GNB1: variants seen among roughly 807,000 people sequenced by gnomAD.
The protein encoded by GNB1 is G protein subunit beta 1, also known as guanine nucleotide-binding protein G(I)/G(S)/G(T) subunit beta-1.
GNB1 carries 2 observed loss-of-function variants against 42.9 expected under a neutral mutation model. The observed-to-expected ratio is 0.05, with a 90% CI of 0.02 to 0.15. The LOEUF is 0.15. Ranked by LOEUF, GNB1 falls within the 10% of genes least tolerant of loss-of-function variation. The probability of loss-of-function intolerance (pLI) is 1.00; values close to 1 mark genes in which losing one functional copy is unlikely to be tolerated. For missense variants in GNB1, 193 were observed against 462.2 expected (o/e 0.42, Z 5.34); for synonymous variants, 183 against 174.7 (o/e 1.05, Z -0.38).
At chr1:1,889,226 G>A (rs1211086072) in intron 1 of GNB1, among the ~76,000 whole-genome samples, 1 of 152,106 alleles carries the variant, frequency 6.6e-6, no homozygotes, top group African/African-American at 2.4e-5. Flanking sequence ...ACGTCCATTT[G>A]CTAATCATGA....
intron 1 of GNB1, among the ~76,000 whole-genome samples, chr1:1,866,052 C>T (rs1648922909): frequency 6.6e-6 from 1 of 152,084 alleles, no homozygotes; most frequent in East Asian, 1.9e-4. Flanking sequence ...GATTCTCCTG[C>T]CTCAGCCTCC....
chr1:1,860,347 G>A (rs1648551833), intron 1 of GNB1, among the ~76,000 whole-genome samples: 1 of 152,106 alleles, frequency 6.6e-6, no homozygotes, highest in Non-Finnish European at 1.5e-5. Flanking sequence ...GTACCTGGGT[G>A]ATGGGATTAC....
At chr1:1,860,551 G>A (rs1002497262) in intron 1 of GNB1, among the ~76,000 whole-genome samples, 9 of 150,698 alleles carry the variant, frequency 6.0e-5, no homozygotes, top group South Asian at 4.2e-4. Context: ...GCAGGAGAAC[G>A]GTGTCAACCT....
intron 3 of GNB1, among the ~76,000 whole-genome samples, chr1:1,819,036 G>A (rs1460452281): frequency 2.0e-5 from 3 of 152,074 alleles, no homozygotes; most frequent in Non-Finnish European, 4.4e-5. Flanking sequence ...GCACTGTGAA[G>A]GGATCCACCA....
intron 1 of GNB1, among the ~76,000 whole-genome samples, chr1:1,883,390 G>A (rs1649965149): frequency 6.6e-6 from 1 of 152,054 alleles, no homozygotes. Flanking sequence ...TGCAAAGATA[G>A]CTAATATGCA....
At chr1:1,844,773 TATG>T (rs1647531330) in intron 1 of GNB1, among the ~76,000 whole-genome samples, 1 of 152,218 alleles carries the variant, frequency 6.6e-6, no homozygotes. Flanking sequence ...TGAGCAGTCT[TATG>T]TTTACTACAA....
chr1:1,868,873 G>A (rs890476577), intron 1 of GNB1, among the ~76,000 whole-genome samples: 4 of 151,862 alleles, frequency 2.6e-5, no homozygotes, highest in Non-Finnish European at 5.9e-5. Flanking sequence ...ATCTTCTGAA[G>A]TTAATTTCTA....
intron 2 of GNB1, among the ~76,000 whole-genome samples, chr1:1,829,570 G>C (rs1052200638): frequency 3.3e-5 from 5 of 152,066 alleles, no homozygotes; most frequent in Admixed American, 6.5e-5. Flanking sequence ...CAGGAAGAGC[G>C]AACTTAAGGG....
chr1:1,880,810 A>AGTC (rs1481673547), intron 1 of GNB1, among the ~76,000 whole-genome samples: 1 of 152,090 alleles, frequency 6.6e-6, no homozygotes, highest in African/African-American at 2.4e-5. Flanking sequence ...CAGGCACAGG[A>AGTC]GTCACTACGT....
chr1:1,821,976 T>C (rs567782938), intron 3 of GNB1, among the ~76,000 whole-genome samples: 16 of 152,070 alleles, frequency 1.1e-4, no homozygotes, highest in Admixed American at 6.6e-4. Context: ...CTCTACAAAA[T>C]TGAAAAAAAC....
rs973362004 is a variant in GNB1, at chr1:1,877,336, C to G, written c.-96+13484G>C. Among the ~76,000 whole-genome samples, 3 of 149,002 alleles carry G rather than the reference C, an allele frequency of 2.0e-5. 1 individual carries two copies. In the South Asian group the frequency reaches 6.4e-4, roughly 32 times the overall value. On this transcript the variant is annotated intron_variant, in intron 1 of 11. Transcript: ENST00000378609. ...AAAAAAATATATATATATATACACA[C>G]ACACACAGAGTGGGACCCCCAATCC...
At chr1:1,843,811 G>C (rs1647459239) in intron 1 of GNB1, among the ~76,000 whole-genome samples, 2 of 152,166 alleles carry the variant, frequency 1.3e-5, no homozygotes, top group South Asian at 4.1e-4. Flanking sequence ...GCACCTCCCA[G>C]TGCTTTGGGA....
intron 7 of GNB1, chr1:1,794,159 C>T (rs747852277): frequency 6.6e-6 from 1 of 152,168 alleles, no homozygotes; most frequent in Non-Finnish European, 1.5e-5. Flanking sequence ...GATGCCCCGT[C>T]CTAAACAACT....
At chr1:1,834,389 C>T (rs1647116610) in intron 2 of GNB1, among the ~76,000 whole-genome samples, 1 of 152,156 alleles carries the variant, frequency 6.6e-6, no homozygotes, top group Non-Finnish European at 1.5e-5. Flanking sequence ...CCTTTTCTAA[C>T]CCTGTTAGCC....
At chr1:1,844,501 C>T (rs149664841) in intron 1 of GNB1, among the ~76,000 whole-genome samples, 10 of 152,216 alleles carry the variant, frequency 6.6e-5, no homozygotes, top group African/African-American at 2.2e-4. Flanking sequence ...CTTCTTTGCA[C>T]ATATCCTAGT....
rs765101710 is a variant in GNB1 at position 1,804,001 on chromosome 1, AAAG to A, written c.430+415_430+417del. Among the ~76,000 whole-genome samples, 376 of 117,446 alleles carry A rather than the reference AAAG, an allele frequency of 3.2e-3. 155 individuals are homozygous for A. The highest frequency in any genetic ancestry group is 9.3e-3 in the Middle Eastern group (2 of 216). 77.0% of individuals were successfully genotyped at this position (117,446 alleles called of 152,430 possible). ...TGTCTTTAAAAAAAAAAAAAAAAAA[AAAG>A]AAAAAAAGGCTGGGTGTGGTGGCTC... On this transcript the variant is annotated intron_variant, in intron 7 of 11. Transcript: ENST00000378609.
At chr1:1,863,475 C>G (rs777282897) in intron 1 of GNB1, among the ~76,000 whole-genome samples, 10 of 152,198 alleles carry the variant, frequency 6.6e-5, no homozygotes, top group Admixed American at 2.6e-4. Context: ...GGGGCAAACA[C>G]ACCCCAGACA....
At chr1:1,791,578 T>C (rs1022257259) in intron 8 of GNB1, among the ~76,000 whole-genome samples, 6 of 152,200 alleles carry the variant, frequency 3.9e-5, no homozygotes, top group African/African-American at 1.4e-4. Context: ...TAAGGACAGC[T>C]GTGAGGGCCA....
chr1:1,871,111 C>T (rs1052254994), intron 1 of GNB1, among the ~76,000 whole-genome samples: 5 of 151,990 alleles, frequency 3.3e-5, no homozygotes, highest in Admixed American at 1.3e-4. Context: ...CACTCCCTAC[C>T]GTGAAACCAA....
Sources: allele counts gnomAD v4.1 joint callset (sites outside exome capture counted in the v4.1 genomes callset), GRCh38; gene constraint gnomAD v4.1.1; transcripts MANE v1.5; gene names NCBI Gene and HGNC (gene_info 2026-07-23, HGNC 2026-07-21).